The following CUX2 variants were observed in gnomAD, a reference collection of about 807,000 sequenced individuals.
CUX2 encodes the protein homeobox protein cut-like 2.
Under a neutral mutation model 144.8 loss-of-function variants are expected in CUX2, and 40 were observed. The observed-to-expected ratio is 0.28, with a 90% CI of 0.21 to 0.36. CUX2 has a LOEUF of 0.36. CUX2 is among the 10% of genes least tolerant of loss of function. The probability of loss-of-function intolerance (pLI) is 1.00; values close to 1 mark genes in which losing one functional copy is unlikely to be tolerated. For synonymous variants in CUX2, 827 were observed against 875.6 expected (o/e 0.94, Z 0.98); for missense variants, 1,615 against 1,994.0 (o/e 0.81, Z 3.62).
intron 6 of CUX2, among the ~76,000 whole-genome samples, chr12:111,294,468 A>G (rs1319258382): frequency 4.0e-5 from 6 of 151,576 alleles, no homozygotes; most frequent in Non-Finnish European, 7.4e-5. Flanking sequence ...GGTCCCAGCT[A>G]CATGTGAGGC....
intron 4 of CUX2, among the ~76,000 whole-genome samples, chr12:111,273,907 T>C (rs1359546842): frequency 6.6e-6 from 1 of 152,188 alleles, no homozygotes; most frequent in African/African-American, 2.4e-5. Flanking sequence ...CCAGCAGTCA[T>C]TGCCCCATGC....
At chr12:111,294,714 T>C (rs1885879465) in intron 6 of CUX2, among the ~76,000 whole-genome samples, 1 of 151,766 alleles carries the variant, frequency 6.6e-6, no homozygotes, top group African/African-American at 2.4e-5. Flanking sequence ...CTGACCAACA[T>C]GGTGAAACCC....
At chr12:111,309,955 C>T (rs1489003101) in intron 14 of CUX2, 86 bp from the exon 15 acceptor site, 2 of 1,179,928 alleles carry the variant, frequency 1.7e-6, no homozygotes, top group Middle Eastern at 2.2e-4. Context: ...CTCTCTCCCC[C>T]TCTGGTTCTT....
intron 1 of CUX2, among the ~76,000 whole-genome samples, chr12:111,184,201 G>C (rs1474586727): frequency 6.6e-6 from 1 of 152,150 alleles, no homozygotes; most frequent in African/African-American, 2.4e-5. Flanking sequence ...TTATTCTTCA[G>C]ATACACCCAT....
At chr12:111,188,470 G>T (rs770078792) in intron 1 of CUX2, among the ~76,000 whole-genome samples, 9 of 152,086 alleles carry the variant, frequency 5.9e-5, no homozygotes, top group Non-Finnish European at 7.4e-5. Context: ...CCGAGGGAGA[G>T]GAAGAACAGG....
rs558676452 is a variant in CUX2, at chr12:111,178,068, T to C, written c.64-36132T>C. On this transcript the variant is annotated intron_variant, in intron 1 of 21. Coordinates refer to ENST00000261726, the MANE Select transcript of CUX2 (RefSeq NM_015267.4). This position sits in a 1 kb window ranked among gnomAD's most constrained non-coding sequence, Gnocchi z 5.7. ...CACCCAAGGTCACTCAGTGGTTCTG[T>C]GTAAAAACACTGGGTCGAGCATCTT... 6.6e-6 allele frequency among the ~76,000 whole-genome samples: 1 copy of C among 152,330 alleles called. No homozygotes were observed. Among genetic ancestry groups the C allele is most frequent in the East Asian group, 1.9e-4 (1 of 5,188 alleles).
intron 1 of CUX2, among the ~76,000 whole-genome samples, chr12:111,069,520 C>CTGTGTGTG (rs150243402): frequency 1.1e-4 from 15 of 139,804 alleles, no homozygotes; most frequent in Middle Eastern, 3.5e-3. Flanking sequence ...AAGCCTTGCT[C>CTGTGTGTG]TGTGTGTGTG....
intron 18 of CUX2, among the ~76,000 whole-genome samples, chr12:111,330,714 T>TATATATATATATATAAATATAA: frequency 2.7e-5 from 1 of 36,454 alleles, no homozygotes; most frequent in Admixed American, 2.6e-4. Context: ...TATATATATA[T>TATATATATATATATAAATATAA]ATATATATAT....
intron 1 of CUX2, among the ~76,000 whole-genome samples, chr12:111,173,481 G>A (rs895753373): frequency 1.3e-5 from 2 of 152,232 alleles, no homozygotes; most frequent in African/African-American, 2.4e-5. Flanking sequence ...TTCTAGGCAC[G>A]ATGAGGTGCT....
At chr12:111,058,457 T>G (rs1158983313) in intron 1 of CUX2, among the ~76,000 whole-genome samples, 1 of 152,224 alleles carries the variant, frequency 6.6e-6, no homozygotes, top group East Asian at 1.9e-4. Context: ...GATCTGACTT[T>G]ACTTTAAATT....
chr12:111,063,612 C>T (rs1396991786), intron 1 of CUX2, among the ~76,000 whole-genome samples: 1 of 152,208 alleles, frequency 6.6e-6, no homozygotes, highest in African/African-American at 2.4e-5. Context: ...CCAGTAACTC[C>T]AGCAGGGCCT....
rs1285165420 is a variant in CUX2, at chr12:111,290,537, C to T, written c.302-881C>T. ...CTGCCTCCCTGGTTCAAGTGATTCT[C>T]CTGCCTCAGCCTCCCAAGTAGCTGG... is the stretch of plus-strand genomic sequence containing the variant. On this transcript the variant is annotated intron_variant, in intron 4 of 21. Coordinates refer to ENST00000261726, the MANE Select transcript of CUX2 (RefSeq NM_015267.4). Among the ~76,000 whole-genome samples the T allele has an allele frequency of 3.9e-5, 6 of 152,044 alleles. No individual in the cohort carries two copies. In the East Asian group the frequency reaches 1.2e-3, roughly 30 times the overall value.
chr12:111,244,968 A>G (rs1007953841), intron 3 of CUX2, among the ~76,000 whole-genome samples: 2 of 152,128 alleles, frequency 1.3e-5, no homozygotes, highest in African/African-American at 4.8e-5. Context: ...CTGGGCTCTT[A>G]GCTGGGAGCA....
chr12:111,330,269 A>G (rs192192291), intron 18 of CUX2, among the ~76,000 whole-genome samples: 1 of 152,220 alleles, frequency 6.6e-6, no homozygotes, highest in Non-Finnish European at 1.5e-5. Flanking sequence ...AAATTACTCC[A>G]TAGGCATCTG....
intron 4 of CUX2, among the ~76,000 whole-genome samples, chr12:111,276,561 G>A (rs1391947473): frequency 2.0e-5 from 3 of 152,224 alleles, no homozygotes; most frequent in Non-Finnish European, 4.4e-5. Context: ...GGGTTCCCTC[G>A]GCTAGGCCTC....
At chr12:111,245,828 A>T (rs1283277542) in intron 3 of CUX2, among the ~76,000 whole-genome samples, 2 of 152,122 alleles carry the variant, frequency 1.3e-5, no homozygotes, top group African/African-American at 4.8e-5. Flanking sequence ...AAGTAGGACC[A>T]GGGTGGCGTT....
intron 1 of CUX2, among the ~76,000 whole-genome samples, chr12:111,176,039 CTTTTTTTTTTT>C (rs1172563784): frequency 1.7e-4 from 12 of 70,208 alleles, no homozygotes; most frequent in African/African-American, 8.0e-4. Flanking sequence ...TCTTCTTCTT[CTTTTTTTTTTT>C]TTTTTTTTTT....
At chr12:111,227,241 G>C (rs1274414475) in intron 3 of CUX2, among the ~76,000 whole-genome samples, 1 of 152,172 alleles carries the variant, frequency 6.6e-6, no homozygotes, top group African/African-American at 2.4e-5. Context: ...GTCAGGAGCG[G>C]CACTGAATTC....
intron 1 of CUX2, among the ~76,000 whole-genome samples, chr12:111,060,408 A>C (rs1017557679): frequency 6.6e-6 from 1 of 152,184 alleles, no homozygotes; most frequent in African/African-American, 2.4e-5. Context: ...TTCGTGTCTG[A>C]TCTGGGAGGC....
Sources: allele counts gnomAD v4.1 joint callset (sites outside exome capture counted in the v4.1 genomes callset), GRCh38; gene constraint gnomAD v4.1.1; non-coding constraint Gnocchi (gnomAD v3.1); transcripts MANE v1.5; gene names NCBI Gene and HGNC (gene_info 2026-07-23, HGNC 2026-07-21).